Variants in LAMA2 observed in about 807,000 individuals in gnomAD.
LAMA2 encodes the protein laminin subunit alpha 2.
A neutral mutation model predicts 364.8 loss-of-function variants in LAMA2; 269 were observed. The observed-to-expected ratio is 0.74, with a 90% CI of 0.67 to 0.82. The LOEUF (loss-of-function observed/expected upper bound fraction) is 0.82, where lower values mean the gene tolerates loss of function less well. LAMA2 is among the 40% of genes least tolerant of loss of function. The probability of loss-of-function intolerance (pLI) is 0.00; values close to 1 mark genes in which losing one functional copy is unlikely to be tolerated. For missense variants in LAMA2, 3,807 were observed against 3,873.2 expected, an observed-to-expected ratio of 0.98 and a Z score of 0.45; for synonymous variants, 1,379 against 1,370.6, an observed-to-expected ratio of 1.01 and a Z score of -0.14.
Position 129,342,352 on chromosome 6 carries a change from C to T in LAMA2, c.4321C>T (p.His1441Tyr). ...CCCTTTTCCTTTACAGAATTGTCAA[C>T]ATCACACTGCTGGTGACTTCTGTGA... ...PETSICQNCQ[H>Y]HTAGDFCERC... is the part of the protein sequence containing the mutation. The change falls in exon 30 of 65, where the codon CAT (histidine) becomes TAT (tyrosine). Residue 1441 changes from histidine to tyrosine, a missense_variant. Around this residue, in one of 3 missense-constraint regions of LAMA2, gnomAD observed 3,333 missense variants for 3,345.7 expected, o/e 1.00. Transcript: ENST00000421865. 6.2e-7 allele frequency: 1 copy of T among 1,612,948 alleles called. No individual in the cohort carries two copies. Among genetic ancestry groups the T allele is most frequent in the Admixed American group, 1.7e-5 (1 of 60,002 alleles).
At chr6:129,073,299 T>C (rs1438096326) in intron 3 of LAMA2, among the ~76,000 whole-genome samples, 3 of 152,178 alleles carry the variant, frequency 2.0e-5, no homozygotes, top group Non-Finnish European at 4.4e-5. Context: ...AAGGCTATTT[T>C]TTTTAATTTT....
At chr6:129,107,385 C>T (rs1370518212) in intron 4 of LAMA2, among the ~76,000 whole-genome samples, 1 of 152,064 alleles carries the variant, frequency 6.6e-6, no homozygotes, top group African/African-American at 2.4e-5. Flanking sequence ...AATGACTGAG[C>T]TGGCTCAGCC....
chr6:129,119,855 T>C (rs1317905745), intron 4 of LAMA2, among the ~76,000 whole-genome samples: 1 of 152,192 alleles, frequency 6.6e-6, no homozygotes, highest in Non-Finnish European at 1.5e-5. Flanking sequence ...GCCCACATTT[T>C]ATTTTTGATA....
At chr6:129,260,613 T>C in intron 14 of LAMA2, 98 bp from the exon 15 acceptor site, 1 of 800,288 alleles carries the variant, frequency 1.2e-6, no homozygotes, top group Admixed American at 1.7e-5. Context: ...GCATGCATAA[T>C]TGGCTTATAT....
intron 5 of LAMA2, among the ~76,000 whole-genome samples, chr6:129,145,249 C>A (rs573979204): frequency 2.0e-5 from 3 of 152,096 alleles, no homozygotes; most frequent in East Asian, 1.9e-4. Flanking sequence ...TTTCTTTCCT[C>A]GTTACTTAAC....
chr6:129,401,200 T>C (rs763094553), intron 37 of LAMA2, 24 bp from the exon 38 acceptor site: 22 of 1,395,952 alleles, frequency 1.6e-5, no homozygotes, highest in Non-Finnish European at 1.6e-5. Context: ...GCAATTTTGA[T>C]GTCTTGTTCA....
intron 3 of LAMA2, among the ~76,000 whole-genome samples, chr6:129,073,746 C>CACTTAGTGGAGATAAAAA (rs1225846436): frequency 1.3e-5 from 2 of 151,924 alleles, no homozygotes; most frequent in Non-Finnish European, 2.9e-5. Context: ...AATTAGACTC[C>CACTTAGTGGAGATAAAAA]AAATATCTCT....
At chr6:129,150,851 C>A (rs571151318) in intron 7 of LAMA2, among the ~76,000 whole-genome samples, 1 of 152,188 alleles carries the variant, frequency 6.6e-6, no homozygotes, top group Non-Finnish European at 1.5e-5. Flanking sequence ...TTCCAATCAC[C>A]TTAATATTTA....
At chr6:129,173,142 C>T (rs1780327513) in intron 9 of LAMA2, among the ~76,000 whole-genome samples, 1 of 152,252 alleles carries the variant, frequency 6.6e-6, no homozygotes, top group Admixed American at 6.5e-5. Flanking sequence ...CTGCGTCGCT[C>T]ACGCTGGGAG....
chr6:128,894,727 GT>G (rs1163265099), intron 1 of LAMA2, among the ~76,000 whole-genome samples: 1 of 152,128 alleles, frequency 6.6e-6, no homozygotes, highest in African/African-American at 2.4e-5. Context: ...GAAACTAGTT[GT>G]TTTTTTCTTC....
At chr6:129,319,631 G>GAAC (rs1774829570) in intron 27 of LAMA2, among the ~76,000 whole-genome samples, 1 of 151,970 alleles carries the variant, frequency 6.6e-6, no homozygotes, top group South Asian at 2.1e-4. Flanking sequence ...GTTGACCCTT[G>GAAC]AACAACATGG....
chr6:129,318,923 G>T (rs569265558), intron 27 of LAMA2, among the ~76,000 whole-genome samples: 1 of 152,244 alleles, frequency 6.6e-6, no homozygotes, highest in Non-Finnish European at 1.5e-5. Context: ...AAACATGTTT[G>T]TGTTACCAGT....
At chr6:129,035,206 G>A (rs1434648728) in intron 1 of LAMA2, among the ~76,000 whole-genome samples, 4 of 150,720 alleles carry the variant, frequency 2.7e-5, no homozygotes, top group African/African-American at 9.7e-5. Flanking sequence ...ATCTCATTGT[G>A]GTTTTAATTT....
intron 40 of LAMA2, among the ~76,000 whole-genome samples, chr6:129,410,145 T>A (rs9321163): frequency 0.5 from 76,012 of 151,736 alleles, 19,509 homozygotes; most frequent in African/African-American, 0.62. Context: ...CAGAATGAAT[T>A]CCATAGTTCA....
At chr6:129,385,050 GGGGAAGGAAGGGAGGGGA>G (rs1778902847) in intron 35 of LAMA2, among the ~76,000 whole-genome samples, 1 of 95,570 alleles carries the variant, frequency 1.0e-5, no homozygotes, top group African/African-American at 4.2e-5. Flanking sequence ...AGAGAAAGTG[GGGGAAGGAAGGGAGGGGA>G]GGGAAGGAAG....
intron 23 of LAMA2, among the ~76,000 whole-genome samples, chr6:129,313,424 A>G (rs1241159863): frequency 1.3e-5 from 2 of 152,192 alleles, no homozygotes; most frequent in Non-Finnish European, 2.9e-5. Context: ...GGCAGGGAAG[A>G]CAGTTCTTTT....
chr6:129,373,104 A>G (rs1778180011), intron 34 of LAMA2, among the ~76,000 whole-genome samples: 1 of 152,112 alleles, frequency 6.6e-6, no homozygotes, highest in Non-Finnish European at 1.5e-5. Context: ...TCTCTTGAGA[A>G]GTGTCTTTCA....
chr6:129,256,722 A>G (rs965293832), intron 14 of LAMA2, among the ~76,000 whole-genome samples: 1 of 144,720 alleles, frequency 6.9e-6, no homozygotes, highest in African/African-American at 2.5e-5. Context: ...ATGTTTAAAG[A>G]AAATATCTTG....
intron 40 of LAMA2, among the ~76,000 whole-genome samples, chr6:129,415,823 G>A (rs1346960529): frequency 5.3e-5 from 8 of 152,076 alleles, no homozygotes; most frequent in Non-Finnish European, 1.0e-4. Context: ...TCCAGCCTGC[G>A]TGACAGAGCA....
Sources: gnomAD v4.1 joint callset for allele counts (sites outside exome capture counted in the v4.1 genomes callset) on GRCh38, gnomAD v4.1.1 for gene constraint, gnomAD v4.1.1 regional missense constraint, MANE v1.5 for transcripts, NCBI Gene and HGNC (gene_info 2026-07-23, HGNC 2026-07-21) for gene names.